KLHL3: variants seen among roughly 807,000 people sequenced by gnomAD.
KLHL3 encodes kelch-like protein 3.
Under a neutral mutation model 70.5 loss-of-function variants are expected in KLHL3, and 19 were observed. The observed-to-expected ratio is 0.27, with a 90% confidence interval of 0.19 to 0.40. The LOEUF (loss-of-function observed/expected upper bound fraction) is 0.40, where lower values mean the gene tolerates loss of function less well. Among genes scored for constraint, KLHL3 ranks in the 10% least tolerant of loss-of-function variants. The pLI, the probability that KLHL3 is intolerant of heterozygous loss-of-function variation, is 1.00. For missense variants in KLHL3, 512 were observed against 771.1 expected (o/e 0.66, Z 3.98); for synonymous variants, 258 against 290.3 (o/e 0.89, Z 1.13).
intron 6 of KLHL3, among the ~76,000 whole-genome samples, chr5:137,668,932 G>A (rs573051918): frequency 6.6e-6 from 1 of 152,282 alleles, no homozygotes; most frequent in African/African-American, 2.4e-5. Context: ...CTGGCTGAGC[G>A]ATGTCCTGGT....
chr5:137,620,535 G>C lies in KLHL3; in HGVS notation c.*1563C>G, dbSNP rs927019084. The stretch of plus-strand genomic sequence containing the variant: ...GTAGGGAGGGTGTCCCAGACTGCAA[G>C]GTATGAGACTATTCTCCAGACACAA... On this transcript the variant is annotated 3_prime_UTR_variant, in exon 15 of 15. Transcript: ENST00000309755. 19 of 152,166 alleles carry C rather than the reference G, an allele frequency of 1.2e-4. No individual in the cohort carries two copies. Among genetic ancestry groups the C allele is most frequent in the African/African-American group, 4.3e-4 (18 of 41,422 alleles). The allele number at this position is 152,166 out of a possible 1,614,324, so 9.4% of individuals were successfully genotyped here. A position where few individuals can be genotyped will look rare whatever the true frequency, so the allele number is the denominator to read the frequency against.
chr5:137,722,384 C>T (rs947508090), intron 1 of KLHL3, among the ~76,000 whole-genome samples: 1 of 152,120 alleles, frequency 6.6e-6, no homozygotes, highest in Non-Finnish European at 1.5e-5. Flanking sequence ...GGATTCTGTG[C>T]ACAAGGAAGT....
In KLHL3 at chr5:137,734,698, G is replaced by A. The variant is rs565582288; in HGVS notation, c.14+935C>T. Among the ~76,000 whole-genome samples the A allele has an allele frequency of 4.7e-4, 71 of 152,228 alleles. 1 individual carries two copies. Among genetic ancestry groups the A allele is most frequent in the Middle Eastern group, 6.8e-3 (2 of 294 alleles). ...CCCTCAGTGGTGCACTGCCATGGCC[G>A]GACCCCTCCCTGCAGTCTTCTCTCC... On this transcript the variant is annotated intron_variant, in intron 1 of 14. Transcript: ENST00000309755.
chr5:137,700,948 C>T (rs1208375148), intron 3 of KLHL3, among the ~76,000 whole-genome samples: 1 of 152,158 alleles, frequency 6.6e-6, no homozygotes, highest in Non-Finnish European at 1.5e-5. Flanking sequence ...TAATGTGTAT[C>T]TGACCCACAT....
intron 4 of KLHL3, among the ~76,000 whole-genome samples, chr5:137,693,412 A>C (rs1280678415): frequency 6.6e-6 from 1 of 152,162 alleles, no homozygotes; most frequent in Admixed American, 6.5e-5. Context: ...GGGTCAGGGA[A>C]GACTGGCTTG....
At position 137,621,087 on chromosome 5, in the gene KLHL3, T is replaced by A. The variant is rs1750281752; in HGVS notation, c.*1011A>T. On this transcript the variant is annotated 3_prime_UTR_variant, in exon 15 of 15. Transcript: ENST00000309755. Reference sequence around the variant, plus strand: ...CAGACCAGAACACTTCTGAGTAAAATGGGGTGCTGTGAATAATTAAACTGG... The same window carrying A: ...CAGACCAGAACACTTCTGAGTAAAAAGGGGTGCTGTGAATAATTAAACTGG... The A allele has an allele frequency of 6.6e-6, 1 of 152,520 alleles. No homozygotes were observed. Among genetic ancestry groups the A allele is most frequent in the Non-Finnish European group, 1.5e-5 (1 of 68,028 alleles). 9.4% of individuals were successfully genotyped at this position (152,520 alleles called of 1,614,324 possible). A position where few individuals can be genotyped will look rare whatever the true frequency, so the allele number is the denominator to read the frequency against.
intron 13 of KLHL3, among the ~76,000 whole-genome samples, chr5:137,627,112 A>C (rs1750486209): frequency 6.6e-6 from 1 of 152,228 alleles, no homozygotes; most frequent in South Asian, 2.1e-4. Context: ...ATAGGATAGA[A>C]AAGATGGAAA....
intron 1 of KLHL3, among the ~76,000 whole-genome samples, chr5:137,731,838 A>G (rs748430991): frequency 7.2e-5 from 11 of 152,198 alleles, no homozygotes; most frequent in Non-Finnish European, 1.3e-4. Flanking sequence ...CTGGGCCTGA[A>G]TGTTTTTTAT....
intron 4 of KLHL3, among the ~76,000 whole-genome samples, chr5:137,695,688 C>G (rs1327173556): frequency 6.6e-6 from 1 of 152,196 alleles, no homozygotes; most frequent in Admixed American, 6.5e-5. Context: ...TCCCTCTCCC[C>G]ACATCAACAG....
intron 2 of KLHL3, among the ~76,000 whole-genome samples, chr5:137,712,015 C>T (rs1015918355): frequency 8.0e-5 from 12 of 150,792 alleles, no homozygotes; most frequent in Admixed American, 4.6e-4. Flanking sequence ...AAAAAAAGCC[C>T]GGTGTGGTGG....
intron 8 of KLHL3, 72 bp from the exon 9 acceptor site, chr5:137,640,049 C>T (rs979439840): frequency 3.2e-6 from 4 of 1,249,964 alleles, no homozygotes; most frequent in Non-Finnish European, 2.3e-6. Context: ...GGTACTTCCA[C>T]ATGGCTTATC....
chr5:137,686,466 T>C (rs1029212511), intron 5 of KLHL3, among the ~76,000 whole-genome samples: 1 of 152,244 alleles, frequency 6.6e-6, no homozygotes, highest in African/African-American at 2.4e-5. Flanking sequence ...ATTACTCAGC[T>C]CCAAAGTGTT....
chr5:137,691,455 A>G (rs1317452172), intron 5 of KLHL3, among the ~76,000 whole-genome samples: 1 of 152,204 alleles, frequency 6.6e-6, no homozygotes, highest in African/African-American at 2.4e-5. Context: ...TATTTTGATA[A>G]ATGGAAGTGA....
At position 137,637,361 on chromosome 5, in the gene KLHL3, G is replaced by A. The variant is rs1750794412; in HGVS notation, c.1254C>T (p.Thr418=). The change falls in exon 11 of 15, where the codon ACC becomes ACT. Residue 418 remains threonine (T), a synonymous_variant. Coordinates refer to ENST00000309755, the MANE Select transcript of KLHL3 (RefSeq NM_017415.3). Reference sequence around the variant, plus strand: ...TCGGGGCCACAAAGAACCACTCGTTGGTCTTGTAGCTGTAGGCTTCCACCG... The same window carrying A: ...TCGGGGCCACAAAGAACCACTCGTTAGTCTTGTAGCTGTAGGCTTCCACCG... ...LASVEAYSYK[T]NEWFFVAPMN... is the part of the protein sequence containing the mutation. The A allele has an allele frequency of 6.2e-7, 1 of 1,613,958 alleles. No homozygotes were observed. The highest frequency in any genetic ancestry group is 8.5e-7 in the Non-Finnish European group (1 of 1,179,930).
chr5:137,667,004 T>C (rs1358419961), intron 6 of KLHL3, among the ~76,000 whole-genome samples: 1 of 152,226 alleles, frequency 6.6e-6, no homozygotes, highest in Non-Finnish European at 1.5e-5. Flanking sequence ...TCAGTGCTTA[T>C]GCTCTAAATC....
At chr5:137,666,912 A>C (rs1354433054) in intron 6 of KLHL3, among the ~76,000 whole-genome samples, 1 of 152,206 alleles carries the variant, frequency 6.6e-6, no homozygotes, top group Non-Finnish European at 1.5e-5. Context: ...AAATACTCTT[A>C]AGCCTTATTA....
At chr5:137,683,193 G>A (rs1255308912) in intron 5 of KLHL3, among the ~76,000 whole-genome samples, 1 of 152,062 alleles carries the variant, frequency 6.6e-6, no homozygotes, top group African/African-American at 2.4e-5. Flanking sequence ...AAGTTATATG[G>A]TGCCTCTTCC....
At chr5:137,734,569 A>G (rs1753231343) in intron 1 of KLHL3, among the ~76,000 whole-genome samples, 1 of 152,200 alleles carries the variant, frequency 6.6e-6, no homozygotes, top group Non-Finnish European at 1.5e-5. Flanking sequence ...TGAAAAGGAA[A>G]GTGTTCATTG....
chr5:137,701,069 G>A (rs1752556793), intron 3 of KLHL3, among the ~76,000 whole-genome samples: 1 of 150,548 alleles, frequency 6.6e-6, no homozygotes, highest in Non-Finnish European at 1.5e-5. Flanking sequence ...TTTTGCTCTT[G>A]TTGCCCAGGC....
Sources: gnomAD v4.1 joint callset for allele counts (sites outside exome capture counted in the v4.1 genomes callset) on GRCh38, gnomAD v4.1.1 for gene constraint, MANE v1.5 for transcripts, NCBI Gene and HGNC (gene_info 2026-07-23, HGNC 2026-07-21) for gene names.